MIB1: variants seen among roughly 807,000 people sequenced by gnomAD.
MIB1 encodes the protein MIB E3 ubiquitin protein ligase 1, also known as E3 ubiquitin-protein ligase MIB1.
A neutral mutation model predicts 124.5 loss-of-function variants in MIB1; 278 were observed. The observed-to-expected ratio is 2.23, with a 90% CI of 2.02 to 2.47. The LOEUF (loss-of-function observed/expected upper bound fraction) is 2.47. Among genes scored for constraint, MIB1 ranks in the 30% most tolerant of loss-of-function variants. The pLI is 0.00. For synonymous variants in MIB1, 446 were observed against 429.4 expected (o/e 1.04, Z -0.48); for missense variants, 957 against 1,254.4 (o/e 0.76, Z 3.58).
Position 21,767,311 on chromosome 18 carries a change from AAGG to A in MIB1, c.402-1309_402-1307del, listed in dbSNP as rs1455606386. ...CCTTCCTTCTTCACATGGCAGCAGC[AAGG>A]AGAAGTGCTGAGCAAAAAAGGGGGA... is the stretch of plus-strand genomic sequence containing the variant. On this transcript the variant is annotated intron_variant, in intron 2 of 20. Transcript: ENST00000261537. Among the ~76,000 whole-genome samples, 4 of 152,296 alleles carry A rather than the reference AAGG, an allele frequency of 2.6e-5. No individual in the cohort carries two copies. In the East Asian group the frequency reaches 5.8e-4, roughly 22 times the overall value.
chr18:21,858,376 G>A (rs1332665680), intron 19 of MIB1, among the ~76,000 whole-genome samples, 170 bp from the exon 20 acceptor site: 2 of 152,194 alleles, frequency 1.3e-5, no homozygotes, highest in African/African-American at 2.4e-5. Flanking sequence ...AAATGGAAAA[G>A]TGTAACAGAA....
At position 21,732,022 on chromosome 18, in the gene MIB1, T is replaced by C. The variant is rs547831276; in HGVS notation, n.167+26899T>C. Among the ~76,000 whole-genome samples, 122 of 151,814 alleles carry C rather than the reference T, an allele frequency of 8.0e-4. 7 individuals carry two copies. In the South Asian group the frequency reaches 0.024, roughly 30 times the overall value. On this transcript the variant is annotated intron_variant and non_coding_transcript_variant, in intron 1 of 20. Transcript: ENST00000578646. Reference sequence around the variant, plus strand: ...AAGAAAAATGGGTGCCCTTTAAATATATATATATATATACTTCTTGGTGGC... The same window carrying C: ...AAGAAAAATGGGTGCCCTTTAAATACATATATATATATACTTCTTGGTGGC...
chr18:21,754,500 T>C (rs953091824), intron 1 of MIB1, among the ~76,000 whole-genome samples: 2 of 152,134 alleles, frequency 1.3e-5, no homozygotes, highest in Admixed American at 6.5e-5. Context: ...TCAACTGTCA[T>C]GGTATTGTGG....
intron 13 of MIB1, among the ~76,000 whole-genome samples, chr18:21,842,088 T>A (rs2146503944): frequency 4.8e-5 from 2 of 41,556 alleles, no homozygotes; most frequent in Non-Finnish European, 7.8e-5. Flanking sequence ...TGAGACCCTA[T>A]CTCAAAAAAA....
intron 6 of MIB1, among the ~76,000 whole-genome samples, chr18:21,786,222 G>A (rs937128087): frequency 3.3e-5 from 5 of 151,668 alleles, no homozygotes; most frequent in African/African-American, 7.3e-5. Flanking sequence ...TCAGCCTCCC[G>A]AGTAGCTGGG....
At chr18:21,723,069 C>T (rs912523668) in intron 1 of MIB1, among the ~76,000 whole-genome samples, 4 of 152,090 alleles carry the variant, frequency 2.6e-5, no homozygotes, top group Non-Finnish European at 4.4e-5. Flanking sequence ...GTCTCTTCTC[C>T]CCATTTATTT....
In MIB1 at chr18:21,868,385, A is replaced by C. The variant is rs1368456158; in HGVS notation, c.*3719A>C. 1 of 152,454 alleles carries C rather than the reference A, an allele frequency of 6.6e-6. No individual in the cohort carries two copies. The highest frequency in any genetic ancestry group is 1.9e-4 in the East Asian group (1 of 5,188). 9.4% of individuals were successfully genotyped at this position (152,454 alleles called of 1,614,324 possible). The stretch of plus-strand genomic sequence containing the variant: ...AGATCTAAGGTCATGGTAAACATTA[A>C]GTTCTTAAAATTTTTGGGAGGGACA... On this transcript the variant is annotated 3_prime_UTR_variant, in exon 21 of 21. Transcript: ENST00000261537.
intron 12 of MIB1, among the ~76,000 whole-genome samples, chr18:21,833,858 G>C (rs4467173): frequency 1.3e-5 from 2 of 152,014 alleles, no homozygotes; most frequent in Non-Finnish European, 2.9e-5. Context: ...ACAAATGCCT[G>C]CTTAACTGGT....
At position 21,776,396 on chromosome 18, in the gene MIB1, C is replaced by T. The variant is rs75346428; in HGVS notation, c.637-1707C>T. Among the ~76,000 whole-genome samples the T allele has an allele frequency of 8.2e-3, 1,253 of 152,120 alleles. 19 individuals are homozygous for T. Among genetic ancestry groups the T allele is most frequent in the African/African-American group, 0.027 (1,137 of 41,484 alleles). On this transcript the variant is annotated intron_variant, in intron 4 of 20. Transcript: ENST00000261537. ...GTGAGTGTGCGTGTGTGTGCACATG[C>T]ATGTGCATACCTGCAGGTGCACATG...
At position 21,807,798 on chromosome 18, in the gene MIB1, C is replaced by T. The variant is rs550594721; in HGVS notation, c.1479+3784C>T. On this transcript the variant is annotated intron_variant, in intron 10 of 20. Transcript: ENST00000261537. ...ACTTAGATTTGTCATTCATAATTTG[C>T]CAGCCTGTTTATAAAGTGATTTGTT... 3.9e-5 allele frequency among the ~76,000 whole-genome samples: 6 copies of T among 152,264 alleles called. No individual in the cohort carries two copies. In the South Asian group the frequency reaches 1.0e-3, roughly 26 times the overall value.
intron 4 of MIB1, among the ~76,000 whole-genome samples, chr18:21,776,204 G>T (rs1469881732): frequency 1.3e-5 from 2 of 151,266 alleles, no homozygotes; most frequent in Admixed American, 6.6e-5. Context: ...AGCCCTAGGA[G>T]GTCGAGGCTG....
rs2041862904 is a variant in MIB1, at chr18:21,819,745, T to C, written c.1829+99T>C. The C allele has an allele frequency of 2.4e-5, 21 of 863,852 alleles. No individual in the cohort carries two copies. In the South Asian group the frequency reaches 7.7e-4, roughly 32 times the overall value. The allele number at this position is 863,852 out of a possible 1,614,324, so 53.5% of individuals were successfully genotyped here. A position where few individuals can be genotyped will look rare whatever the true frequency, so the allele number is the denominator to read the frequency against. On this transcript the variant is annotated intron_variant, in intron 12 of 20. Coordinates refer to ENST00000261537, the MANE Select transcript of MIB1 (RefSeq NM_020774.4). ...GATGAAGAAATAATTTTGGCTATTT[T>C]AGTATTTTAAATCATTTTAAAGTTT...
chr18:21,817,931 G>T, intron 11 of MIB1: 1 of 175,432 alleles, frequency 5.7e-6, no homozygotes, highest in Admixed American at 6.0e-5. Flanking sequence ...ACTGAGAATA[G>T]CATCTGTTCA....
intron 11 of MIB1, among the ~76,000 whole-genome samples, chr18:21,818,428 G>T (rs1184995199): frequency 6.6e-6 from 1 of 152,116 alleles, no homozygotes; most frequent in African/African-American, 2.4e-5. Context: ...TATAAAATTT[G>T]GGGGGCAGCT....
upstream of MIB1, among the ~76,000 whole-genome samples, chr18:21,735,835 C>T (rs982397240): frequency 5.3e-5 from 8 of 152,242 alleles, no homozygotes; most frequent in African/African-American, 1.9e-4. Flanking sequence ...GATTCCTCCT[C>T]TCTGGGCAGG....
intron 12 of MIB1, among the ~76,000 whole-genome samples, chr18:21,822,647 C>A (rs918892563): frequency 2.4e-4 from 37 of 151,894 alleles, no homozygotes; most frequent in Admixed American, 2.4e-3. Flanking sequence ...GTTGTAATTG[C>A]AAATTGGGAT....
chr18:21,736,013 C>A (rs911914887), upstream of MIB1, among the ~76,000 whole-genome samples: 1 of 152,224 alleles, frequency 6.6e-6, no homozygotes, highest in Admixed American at 6.5e-5. Context: ...CCCAGCACAG[C>A]GTTCGAGCTC....
intron 20 of MIB1, among the ~76,000 whole-genome samples, chr18:21,859,941 A>G (rs941446289): frequency 3.3e-5 from 5 of 149,962 alleles, no homozygotes; most frequent in African/African-American, 1.2e-4. Context: ...CATATACACC[A>G]TAAAGAAAAG....
chr18:21,819,471 A>G (rs1483574314), intron 11 of MIB1, 24 bp from the exon 12 acceptor site: 1 of 1,494,154 alleles, frequency 6.7e-7, no homozygotes, highest in African/African-American at 1.4e-5. Flanking sequence ...TGAAGAACTA[A>G]TGAAAATTTC....
Sources: gnomAD v4.1 joint callset for allele counts (sites outside exome capture counted in the v4.1 genomes callset) on GRCh38, gnomAD v4.1.1 for gene constraint, MANE v1.5 for transcripts, NCBI Gene and HGNC (gene_info 2026-07-23, HGNC 2026-07-21) for gene names.